Variants in NPC1 observed in about 807,000 individuals in gnomAD.
NPC1 encodes Niemann-Pick C1 protein.
NPC1 carries 85 observed loss-of-function variants against 140.4 expected under a neutral mutation model. The observed-to-expected ratio is 0.61, with a 90% confidence interval of 0.51 to 0.72. NPC1 has a LOEUF of 0.72. Ranked by LOEUF, NPC1 falls within the 30% of genes least tolerant of loss-of-function variation. NPC1 has a pLI of 0.00. For synonymous variants in NPC1, 656 were observed against 624.8 expected (o/e 1.05, Z -0.74); for missense variants, 1,504 against 1,623.8 (o/e 0.93, Z 1.27).
At chr18:23,582,963 G>A (rs1402960359) in intron 1 of NPC1, among the ~76,000 whole-genome samples, 3 of 152,036 alleles carry the variant, frequency 2.0e-5, no homozygotes, top group African/African-American at 7.2e-5. Context: ...TTAAAAATTA[G>A]TTGGGCATGG....
At chr18:23,506,249 T>C (rs2057714059) in exon 4 of NPC1, 1 of 151,906 alleles carries the variant, frequency 6.6e-6, no homozygotes, top group Admixed American at 6.6e-5. Flanking sequence ...CTTAATATTA[T>C]GCAATATGTG....
intron 4 of NPC1, among the ~76,000 whole-genome samples, chr18:23,566,531 G>A (rs1437452325): frequency 2.0e-5 from 3 of 152,172 alleles, no homozygotes; most frequent in Non-Finnish European, 2.9e-5. Context: ...GATCACTTAA[G>A]GCCAGGAGTT....
At chr18:23,567,698 A>G (rs769333113) in intron 4 of NPC1, among the ~76,000 whole-genome samples, 4 of 152,280 alleles carry the variant, frequency 2.6e-5, no homozygotes, top group East Asian at 3.9e-4. Context: ...GCAGGCATCT[A>G]TAAGTGAAAT....
downstream of NPC1, among the ~76,000 whole-genome samples, chr18:23,519,647 C>CAGTT (rs1370485237): frequency 1.3e-5 from 2 of 152,160 alleles, no homozygotes; most frequent in Non-Finnish European, 2.9e-5. Context: ...GTGATTGTGT[C>CAGTT]AGTTGATTAA....
At position 23,541,201 on chromosome 18, in the gene NPC1, C is replaced by T. The variant is rs774773219; in HGVS notation, c.2381G>A (p.Arg794Gln). The change falls in exon 16 of 25, where the codon CGG becomes CAG. Residue 794 changes from arginine to glutamine, a missense_variant. Arg to Gln is a conservative substitution (Grantham distance 43). Transcript: ENST00000269228. ...GLDIKRQEKNRLDIFCCVRGA... is the reference protein window; with the variant it reads ...GLDIKRQEKNQLDIFCCVRGA... ...TCTGACACAGCAAAAGATGTCTAGC[C>T]GATTTTTCTGAGGGGACAGAGGGAA... The T allele has an allele frequency of 2.1e-5, 34 of 1,614,070 alleles. No homozygotes were observed. Among genetic ancestry groups the T allele is most frequent in the African/African-American group, 4.0e-5 (3 of 74,926 alleles).
chr18:23,537,824 C>T (rs2058654579), intron 20 of NPC1, among the ~76,000 whole-genome samples: 1 of 152,174 alleles, frequency 6.6e-6, no homozygotes, highest in South Asian at 2.1e-4. Flanking sequence ...GGAGTCATCC[C>T]ATGATACCTC....
downstream of NPC1, chr18:23,529,559 G>T (rs1249919743): frequency 1.5e-6 from 2 of 1,367,036 alleles, no homozygotes; most frequent in Non-Finnish European, 2.1e-6. Flanking sequence ...AACAAGGTGG[G>T]GGTTGGATAG....
At chr18:23,514,702 T>C (rs1447959328) in intron 3 of NPC1, among the ~76,000 whole-genome samples, 1 of 152,192 alleles carries the variant, frequency 6.6e-6, no homozygotes, top group African/African-American at 2.4e-5. Flanking sequence ...ATGGTAATCA[T>C]TTAAAAGTCT....
At chr18:23,576,386 C>T in intron 1 of NPC1, 1 of 694,118 alleles carries the variant, frequency 1.4e-6, no homozygotes, top group Non-Finnish European at 1.8e-6. Flanking sequence ...AGCACCTCTG[C>T]ACTCCAGCCT....
Position 23,554,914 on chromosome 18 carries a change from T to C in NPC1, c.1397A>G (p.Asp466Gly). The C allele has an allele frequency of 6.2e-6, 10 of 1,614,128 alleles. No individual in the cohort carries two copies. Among genetic ancestry groups the C allele is most frequent in the Non-Finnish European group, 8.5e-6 (10 of 1,179,998 alleles). Reference protein sequence around the residue: ...SYDNETVTLQDICLAPLSPYN... With the variant: ...SYDNETVTLQGICLAPLSPYN... Reference sequence around the variant, plus strand: ...CGGTGAAAGAGGGGCCAAGCAGATGTCTTGAAGTGTCACAGTCTCATTGTC... The same window carrying C: ...CGGTGAAAGAGGGGCCAAGCAGATGCCTTGAAGTGTCACAGTCTCATTGTC... The change falls in exon 9 of 25, where the codon GAC (aspartate) becomes GGC (glycine). Residue 466 changes from aspartate (D) to glycine (G), a missense_variant. Coordinates refer to ENST00000269228, the MANE Select transcript of NPC1 (RefSeq NM_000271.5).
downstream of NPC1, chr18:23,518,930 C>T (rs748668552): frequency 1.1e-5 from 17 of 1,614,040 alleles, no homozygotes; most frequent in African/African-American, 2.7e-5. Context: ...GCATCATTCT[C>T]GGACCTCCAA....
chr18:23,524,179 C>T (rs774042832), intron 1 of NPC1: 2 of 1,613,534 alleles, frequency 1.2e-6, no homozygotes, highest in South Asian at 2.2e-5. Context: ...AACTCTGTAT[C>T]CTTTACTAAG....
downstream of NPC1, among the ~76,000 whole-genome samples, chr18:23,525,588 CTAA>C (rs2058274862): frequency 6.6e-6 from 1 of 152,124 alleles, no homozygotes; most frequent in South Asian, 2.1e-4. Flanking sequence ...CCACACCCAG[CTAA>C]TTTTTGTATT....
chr18:23,522,596 T>C (rs2058172297), exon 2 of NPC1: 1 of 152,500 alleles, frequency 6.6e-6, no homozygotes, highest in East Asian at 1.9e-4. Context: ...TGGACACCCC[T>C]GGCTTAGAAC....
At position 23,543,572 on chromosome 18, in the gene NPC1, TAAAAAAA is replaced by T; in HGVS notation, c.2131-10_2131-4del. The T allele has an allele frequency of 5.0e-6, 6 of 1,205,254 alleles. No homozygotes were observed. The highest frequency in any genetic ancestry group is 5.9e-6 in the Non-Finnish European group (5 of 844,234). The allele number at this position is 1,205,254 out of a possible 1,614,324, so 74.7% of individuals were successfully genotyped here. On this transcript the variant is annotated splice_region_variant and splice_polypyrimidine_tract_variant and intron_variant, in intron 13 of 24. Transcript: ENST00000269228. ...TCCCCTTGAAGACGTTCATCTCTCT[TAAAAAAA>T]AAAAAAAAAAATTATGCGACATTAA...
At chr18:23,525,406 C>T (rs1046663157), downstream of NPC1, among the ~76,000 whole-genome samples, 8 of 151,922 alleles carry the variant, frequency 5.3e-5, no homozygotes, top group Non-Finnish European at 1.2e-4. Context: ...CATCACCACG[C>T]CCAGTTAATT....
Position 23,586,506 on chromosome 18 carries a change from G to T in NPC1, c.-163C>A. 7.1e-7 allele frequency: 1 copy of T among 1,402,666 alleles called. No individual in the cohort carries two copies. The highest frequency in any genetic ancestry group is 9.2e-7 in the Non-Finnish European group (1 of 1,084,884). 86.9% of individuals were successfully genotyped at this position (1,402,666 alleles called of 1,614,324 possible). On this transcript the variant is annotated 5_prime_UTR_variant, in exon 1 of 25. Transcript: ENST00000269228. The stretch of plus-strand genomic sequence containing the variant: ...GCAGGCTGCGCGCGCCGGTCAGGAA[G>T]GAAGAAGGCGTCGTCGGCTCCGCCC...
intron 8 of NPC1, among the ~76,000 whole-genome samples, chr18:23,555,405 T>C (rs530469984): frequency 6.6e-6 from 1 of 152,350 alleles, no homozygotes; most frequent in South Asian, 2.1e-4. Flanking sequence ...TATGTCCCCT[T>C]ATTTCCTAAC....
chr18:23,556,310 T>C lies in NPC1; in HGVS notation c.1259A>G (p.Tyr420Cys). Residue 420 changes from tyrosine (Y) to cysteine (C), a missense_variant, in exon 8 of 25, where the codon TAC (tyrosine) becomes TGC (cysteine). Transcript: ENST00000269228. ...ATCAGCTCCCGAAGGGTATGGCTGG[T>C]AAATGTGTTTGTCAGTGAGAGGGGC... ...IRAPLTDKHIYQPYPSGADVP... is the reference protein window; with the variant it reads ...IRAPLTDKHICQPYPSGADVP... 1.2e-6 allele frequency: 2 copies of C among 1,608,812 alleles called. No individual in the cohort carries two copies. Among genetic ancestry groups the C allele is most frequent in the Non-Finnish European group, 1.7e-6 (2 of 1,178,118 alleles).
Sources: allele counts gnomAD v4.1 joint callset (sites outside exome capture counted in the v4.1 genomes callset), GRCh38; gene constraint gnomAD v4.1.1; transcripts MANE v1.5; gene names NCBI Gene and HGNC (gene_info 2026-07-23, HGNC 2026-07-21).